ST6GAL1: variants seen among roughly 807,000 people sequenced by gnomAD.
ST6GAL1 encodes ST6 beta-galactoside alpha-2,6-sialyltransferase 1.
ST6GAL1 carries 20 observed loss-of-function variants against 38.0 expected under a neutral mutation model. That is an observed-to-expected ratio of 0.53 (90% CI 0.37 to 0.77). The LOEUF (loss-of-function observed/expected upper bound fraction) is 0.77, where lower values mean the gene tolerates loss of function less well. Ranked by LOEUF, ST6GAL1 falls within the 30% of genes least tolerant of loss-of-function variation. The pLI is 0.00. For synonymous variants in ST6GAL1, 196 were observed against 188.2 expected (o/e 1.04, Z -0.34); for missense variants, 432 against 496.4 (o/e 0.87, Z 1.23).
intron 5 of ST6GAL1, chr3:187,072,357 C>T: frequency 1.4e-5 from 1 of 71,650 alleles, no homozygotes; most frequent in African/African-American, 5.1e-5. Flanking sequence ...ATGTGTTGGA[C>T]TGTGTTGGCT....
intron 5 of ST6GAL1, among the ~76,000 whole-genome samples, chr3:187,070,742 G>A (rs1394547411): frequency 6.6e-6 from 1 of 152,038 alleles, no homozygotes; most frequent in African/African-American, 2.4e-5. Flanking sequence ...CTCACTTTAT[G>A]GCCATCCTCA....
intron 1 of ST6GAL1, among the ~76,000 whole-genome samples, chr3:186,936,352 G>T (rs1326677900): frequency 6.6e-6 from 1 of 152,186 alleles, no homozygotes; most frequent in Non-Finnish European, 1.5e-5. Flanking sequence ...TTAGATTCCT[G>T]AGAATTTAGA....
At chr3:187,007,017 T>TCCAA (rs1232497999) in intron 2 of ST6GAL1, among the ~76,000 whole-genome samples, 1 of 152,156 alleles carries the variant, frequency 6.6e-6, no homozygotes, top group Non-Finnish European at 1.5e-5. Context: ...GATGAAATAA[T>TCCAA]CCAACCACAA....
intron 5 of ST6GAL1, 66 bp from the exon 6 acceptor site, chr3:187,072,783 T>TATTA: frequency 7.2e-7 from 1 of 1,390,072 alleles, no homozygotes; most frequent in Non-Finnish European, 1.0e-6. Context: ...CTATGTCAGC[T>TATTA]ATTACTTCAT....
intron 2 of ST6GAL1, among the ~76,000 whole-genome samples, chr3:187,009,294 C>T (rs535518884): frequency 1.9e-4 from 29 of 151,792 alleles, no homozygotes; most frequent in Non-Finnish European, 3.7e-4. Context: ...TTTAAAGGTA[C>T]ATAATTACAT....
At chr3:186,955,347 G>T (rs1253547781) in intron 1 of ST6GAL1, among the ~76,000 whole-genome samples, 1 of 149,246 alleles carries the variant, frequency 6.7e-6, no homozygotes, top group Non-Finnish European at 1.5e-5. Flanking sequence ...TTTTAAAGTA[G>T]TTTTTTTTCT....
At chr3:186,971,521 C>T (rs368459170) in intron 2 of ST6GAL1, among the ~76,000 whole-genome samples, 1 of 152,376 alleles carries the variant, frequency 6.6e-6, no homozygotes, top group East Asian at 1.9e-4. Flanking sequence ...ATCTAGACCA[C>T]AGCCTGTACT....
At chr3:187,029,859 G>T (rs1037453839) in intron 2 of ST6GAL1, among the ~76,000 whole-genome samples, 1 of 152,154 alleles carries the variant, frequency 6.6e-6, no homozygotes, top group Admixed American at 6.5e-5. Flanking sequence ...AGAATATGAG[G>T]AAAGTGAGGA....
intron 2 of ST6GAL1, among the ~76,000 whole-genome samples, chr3:187,026,312 G>C (rs1221875505): frequency 2.0e-5 from 3 of 152,250 alleles, no homozygotes; most frequent in Admixed American, 6.5e-5. Context: ...AGACAGCCTG[G>C]GCAGGCTCCT....
chr3:186,989,317 A>G lies in ST6GAL1; in HGVS notation c.-183+25391A>G, dbSNP rs566179215. Among the ~76,000 whole-genome samples the G allele has an allele frequency of 2.0e-5, 3 of 152,340 alleles. No individual in the cohort carries two copies. In the South Asian group the frequency reaches 6.2e-4, roughly 32 times the overall value. On this transcript the variant is annotated intron_variant, in intron 2 of 7. Coordinates refer to ENST00000169298, the MANE Select transcript of ST6GAL1 (RefSeq NM_173216.2). ...AGAACAGACGTTTGTTAGAACCAGGAAATGGATACTTAGGGGAATGGGGAA... is the reference window on the plus strand; with the variant it reads ...AGAACAGACGTTTGTTAGAACCAGGGAATGGATACTTAGGGGAATGGGGAA...
intron 5 of ST6GAL1, among the ~76,000 whole-genome samples, chr3:187,056,528 C>T (rs1019141109): frequency 6.6e-6 from 1 of 152,148 alleles, no homozygotes; most frequent in African/African-American, 2.4e-5. Flanking sequence ...ATTTGCTTGT[C>T]TGTAAAGGAT....
chr3:186,979,477 C>T (rs983289330), intron 2 of ST6GAL1, among the ~76,000 whole-genome samples: 4 of 152,074 alleles, frequency 2.6e-5, no homozygotes, highest in African/African-American at 9.7e-5. Flanking sequence ...TTGGGCAGAC[C>T]TGGAGAAAAA....
chr3:187,006,061 G>A (rs1716776804), intron 2 of ST6GAL1: 1 of 152,334 alleles, frequency 6.6e-6, no homozygotes, highest in African/African-American at 2.4e-5. Flanking sequence ...GGCAGGAAAT[G>A]AGGTTACAGA....
chr3:187,007,941 T>C (rs1029494192), intron 2 of ST6GAL1, among the ~76,000 whole-genome samples: 12 of 151,732 alleles, frequency 7.9e-5, no homozygotes, highest in Admixed American at 5.9e-4. Context: ...AACCTGAAGG[T>C]AGATCAATAG....
chr3:186,933,956 CG>C (rs1476715438), intron 1 of ST6GAL1, among the ~76,000 whole-genome samples: 1 of 152,188 alleles, frequency 6.6e-6, no homozygotes, highest in Non-Finnish European at 1.5e-5. Context: ...GTTTGCTGAA[CG>C]GTTCACTTTA....
intron 1 of ST6GAL1, among the ~76,000 whole-genome samples, chr3:186,955,269 C>T (rs1262468723): frequency 6.6e-6 from 1 of 152,136 alleles, no homozygotes; most frequent in Admixed American, 6.6e-5. Flanking sequence ...TGGCTGGATG[C>T]CTCCAGCTTT....
chr3:186,948,497 C>T (rs1048557691), intron 1 of ST6GAL1, among the ~76,000 whole-genome samples: 14 of 150,214 alleles, frequency 9.3e-5, no homozygotes, highest in Non-Finnish European at 1.6e-4. Flanking sequence ...TGGGCTGGGG[C>T]CTGGTATGCT....
intron 5 of ST6GAL1, 92 bp downstream of exon 5, chr3:187,051,438 G>C: frequency 8.7e-6 from 10 of 1,148,390 alleles, no homozygotes; most frequent in South Asian, 1.3e-5. Context: ...TATCTAGGCT[G>C]CCAATTAAGT....
At chr3:187,005,026 A>G (rs1444269392) in intron 2 of ST6GAL1, among the ~76,000 whole-genome samples, 2 of 151,964 alleles carry the variant, frequency 1.3e-5, no homozygotes, top group African/African-American at 2.4e-5. Flanking sequence ...TTTGACTGCC[A>G]CCATCAATAA....
Sources: allele counts gnomAD v4.1 joint callset (sites outside exome capture counted in the v4.1 genomes callset), GRCh38; gene constraint gnomAD v4.1.1; transcripts MANE v1.5; gene names NCBI Gene and HGNC (gene_info 2026-07-23, HGNC 2026-07-21).